TRPC5: variants seen among roughly 807,000 people sequenced by gnomAD.
The protein encoded by TRPC5 is short transient receptor potential channel 5.
In TRPC5, 9 loss-of-function variants were observed where a neutral mutation model predicts 56.5. The observed-to-expected ratio is 0.16, with a 90% confidence interval of 0.10 to 0.28. TRPC5 has a LOEUF of 0.28. Among genes scored for constraint, TRPC5 ranks in the 10% least tolerant of loss-of-function variants. TRPC5 has a pLI of 1.00. For missense variants in TRPC5, 469 were observed against 748.9 expected (o/e 0.63, Z 4.36); for synonymous variants, 282 against 278.5 (o/e 1.01, Z -0.13).
intron 1 of TRPC5, among the ~76,000 whole-genome samples, chrX:111,986,650 T>A (rs752439145): frequency 4.5e-5 from 5 of 111,009 alleles, no homozygotes; most frequent in Non-Finnish European, 9.4e-5. Flanking sequence ...GAGGCCTACT[T>A]AACTGGCAAA....
chrX:111,915,229 T>C (rs1376997526), intron 2 of TRPC5, among the ~76,000 whole-genome samples: 1 of 112,342 alleles, frequency 8.9e-6, no homozygotes, highest in Non-Finnish European at 1.9e-5. Context: ...AGGTTGTTGT[T>C]GTCTATGCCT....
At chrX:111,832,008 A>G (rs1264461805) in intron 7 of TRPC5, among the ~76,000 whole-genome samples, 2 of 111,730 alleles carry the variant, frequency 1.8e-5, no homozygotes, top group African/African-American at 6.5e-5. Context: ...AGTGTCATTG[A>G]GAGTAATAAG....
At chrX:111,941,781 C>T (rs1186151536) in intron 2 of TRPC5, among the ~76,000 whole-genome samples, 2 of 111,822 alleles carry the variant, frequency 1.8e-5, no homozygotes, top group African/African-American at 6.5e-5. Context: ...TGGCTCTAGT[C>T]TCAAGATAGT....
intron 1 of TRPC5, among the ~76,000 whole-genome samples, chrX:112,046,176 C>T (rs916104867): frequency 1.1e-4 from 11 of 104,625 alleles, no homozygotes; most frequent in African/African-American, 3.6e-4. Context: ...TAACTAGCCC[C>T]GTCTACCGCC....
intron 2 of TRPC5, among the ~76,000 whole-genome samples, chrX:111,937,062 T>A (rs1193456316): frequency 4.7e-5 from 5 of 105,774 alleles, no homozygotes; most frequent in Non-Finnish European, 3.9e-5. Flanking sequence ...GGTATCTCAT[T>A]GTGGTTTTGA....
chrX:112,044,664 A>G (rs1023402641), intron 1 of TRPC5, among the ~76,000 whole-genome samples: 5 of 112,260 alleles, frequency 4.5e-5, no homozygotes, highest in African/African-American at 1.6e-4. Flanking sequence ...CTTTCTTCTC[A>G]TACCATATCA....
At chrX:111,870,207 A>G (rs1216924403) in intron 3 of TRPC5, among the ~76,000 whole-genome samples, 1 of 111,623 alleles carries the variant, frequency 9.0e-6, no homozygotes, top group Non-Finnish European at 1.9e-5. Flanking sequence ...AATCCCTTTT[A>G]CAAAACTCTT....
At chrX:112,027,570 C>T (rs759362352) in intron 1 of TRPC5, among the ~76,000 whole-genome samples, 14 of 111,388 alleles carry the variant, frequency 1.3e-4, no homozygotes, top group African/African-American at 3.9e-4. Flanking sequence ...GATCTTGGCT[C>T]ACTGCAAGCT....
intron 3 of TRPC5, chrX:111,896,305 G>GTCTCTTT (rs1925056065): frequency 1.1e-5 from 1 of 89,944 alleles, no homozygotes; most frequent in African/African-American, 7.2e-5. Context: ...ACTTAGAAAG[G>GTCTCTTT]GCTCTTTAAT....
At chrX:111,943,641 G>A (rs767923786) in intron 2 of TRPC5, among the ~76,000 whole-genome samples, 50 of 112,357 alleles carry the variant, frequency 4.5e-4, no homozygotes, top group African/African-American at 1.5e-3. Context: ...TTGCATTGAC[G>A]CAAGTGACCA....
At chrX:111,859,142 TTTTTCATTGTTAGGACG>T (rs1250194534) in intron 3 of TRPC5, among the ~76,000 whole-genome samples, 1 of 111,740 alleles carries the variant, frequency 8.9e-6, no homozygotes, top group African/African-American at 3.3e-5. Context: ...TTAAATTTTT[TTTTTCATTGTTAGGACG>T]TTTTCATTGT....
intron 3 of TRPC5, among the ~76,000 whole-genome samples, chrX:111,860,541 A>G (rs1923377579): frequency 1.8e-5 from 2 of 112,296 alleles, no homozygotes; most frequent in Non-Finnish European, 1.9e-5. Flanking sequence ...CTTGAATATA[A>G]ACAATGTTTT....
At chrX:111,798,748 G>T (rs910840069) in intron 7 of TRPC5, among the ~76,000 whole-genome samples, 1 of 111,521 alleles carries the variant, frequency 9.0e-6, no homozygotes, top group Non-Finnish European at 1.9e-5. Flanking sequence ...TTATTATCTC[G>T]TCTTGAAAAT....
intron 3 of TRPC5, among the ~76,000 whole-genome samples, chrX:111,891,708 T>G (rs1924817602): frequency 9.1e-6 from 1 of 110,394 alleles, no homozygotes; most frequent in Admixed American, 9.7e-5. Context: ...GCCCAGCTAA[T>G]TTTTTGTAGT....
chrX:112,075,201 A>G (rs1430954767), intron 1 of TRPC5, among the ~76,000 whole-genome samples: 1 of 112,196 alleles, frequency 8.9e-6, no homozygotes, highest in Non-Finnish European at 1.9e-5. Context: ...GAGGTTAAAT[A>G]TTTTATGTGA....
chrX:111,827,637 C>G (rs187929120), intron 7 of TRPC5, among the ~76,000 whole-genome samples: 1 of 111,768 alleles, frequency 8.9e-6, no homozygotes, highest in African/African-American at 3.2e-5. Context: ...AATCTGACCA[C>G]TTCTCATCAC....
At chrX:111,791,912 A>G (rs1009265029) in intron 7 of TRPC5, among the ~76,000 whole-genome samples, 1 of 112,351 alleles carries the variant, frequency 8.9e-6, no homozygotes, top group South Asian at 3.7e-4. Flanking sequence ...TTTCTCAAGG[A>G]TCTAGAACCA....
chrX:111,788,621 A>G (rs1046061869), intron 7 of TRPC5, among the ~76,000 whole-genome samples: 8 of 111,740 alleles, frequency 7.2e-5, no homozygotes, highest in African/African-American at 2.6e-4. Flanking sequence ...AGGAAGTCAA[A>G]TTGTCCCTGT....
chrX:111,931,713 T>C (rs1404180550), intron 2 of TRPC5, among the ~76,000 whole-genome samples: 3 of 111,913 alleles, frequency 2.7e-5, no homozygotes, highest in Non-Finnish European at 5.6e-5. Flanking sequence ...ATAGAGTTGA[T>C]GGTGGCTACA....
Sources: allele counts gnomAD v4.1 joint callset (sites outside exome capture counted in the v4.1 genomes callset), GRCh38; gene constraint gnomAD v4.1.1; transcripts MANE v1.5; gene names NCBI Gene and HGNC (gene_info 2026-07-23, HGNC 2026-07-21).